WDR27: variants seen among roughly 807,000 people sequenced by gnomAD.
The protein encoded by WDR27 is WD repeat-containing protein 27.
WDR27 carries 100 observed loss-of-function variants against 114.4 expected under a neutral mutation model. The ratio of observed to expected loss-of-function variants is 0.87; its 90% CI spans 0.74 to 1.03. The LOEUF is 1.03. Among genes scored for constraint, WDR27 ranks in the 50% least tolerant of loss-of-function variants. The pLI, the probability that WDR27 is intolerant of heterozygous loss-of-function variation, is 0.00. For synonymous variants in WDR27, 449 were observed against 423.1 expected, an observed-to-expected ratio of 1.06 and a Z score of -0.75; for missense variants, 1,129 against 1,092.9, an observed-to-expected ratio of 1.03 and a Z score of -0.47.
rs1827138068 is a variant in WDR27, at chr6:169,664,219, T to C, written c.851A>G (p.Lys284Arg). 2 of 1,613,184 alleles carry C rather than the reference T, an allele frequency of 1.2e-6. No homozygotes were observed. Among genetic ancestry groups the C allele is most frequent in the Admixed American group, 1.7e-5 (1 of 59,954 alleles). ...RRVARVDLRK[K>R]TETFSTRRVK... ...CCTTCTTGTGGAGAAAGTCTCTGTC[T>C]TCTTCCTTAGGTCAACCCGTGCCAC... The change falls in exon 8 of 26, where the codon AAG becomes AGG. Residue 284 changes from lysine to arginine, a missense_variant. Transcript: ENST00000448612.
At chr6:169,580,390 G>A (rs1161412124) in intron 24 of WDR27, among the ~76,000 whole-genome samples, 1 of 152,172 alleles carries the variant, frequency 6.6e-6, no homozygotes, top group Non-Finnish European at 1.5e-5. Flanking sequence ...CTGTCTTACT[G>A]AGACTTGGCC....
At chr6:169,478,786 C>G (rs1787551832) in intron 25 of WDR27, among the ~76,000 whole-genome samples, 2 of 152,210 alleles carry the variant, frequency 1.3e-5, no homozygotes, top group Admixed American at 6.5e-5. Flanking sequence ...TGATTTTCGA[C>G]AAGGCTGACA....
downstream of WDR27, among the ~76,000 whole-genome samples, chr6:169,453,472 G>A (rs901627571): frequency 6.6e-6 from 1 of 152,112 alleles, no homozygotes; most frequent in East Asian, 1.9e-4. Context: ...CTCACATGCT[G>A]GGACACATTG....
chr6:169,490,565 T>TGG (rs2115432369), intron 25 of WDR27, among the ~76,000 whole-genome samples: 1 of 152,196 alleles, frequency 6.6e-6, no homozygotes, highest in East Asian at 1.9e-4. Flanking sequence ...CAGTTGCGGG[T>TGG]GGGGGCTAAA....
At chr6:169,525,868 A>C (rs772633393) in intron 25 of WDR27, among the ~76,000 whole-genome samples, 17 of 152,262 alleles carry the variant, frequency 1.1e-4, no homozygotes, top group Non-Finnish European at 2.2e-4. Context: ...TGGATAAAGA[A>C]AATGTGGTAT....
chr6:169,440,697 A>G, the WDR27 span, among the ~76,000 whole-genome samples: 5 of 152,252 alleles, frequency 3.3e-5, no homozygotes, highest in East Asian at 1.9e-4. Flanking sequence ...CCCGATATGA[A>G]TAACATAACA....
intron 25 of WDR27, among the ~76,000 whole-genome samples, chr6:169,542,295 C>T (rs1024957648): frequency 3.3e-5 from 5 of 151,992 alleles, no homozygotes; most frequent in Non-Finnish European, 7.4e-5. Flanking sequence ...AGTATCTTAG[C>T]CAGTTATTAA....
intron 2 of WDR27, among the ~76,000 whole-genome samples, chr6:169,681,229 C>T: frequency 6.6e-6 from 1 of 152,206 alleles, no homozygotes; most frequent in East Asian, 1.9e-4. Flanking sequence ...AATGCAGGAA[C>T]ATGGATCTCA....
At chr6:169,688,264 C>A (rs1783558003) in intron 2 of WDR27, among the ~76,000 whole-genome samples, 1 of 152,032 alleles carries the variant, frequency 6.6e-6, no homozygotes, top group Non-Finnish European at 1.5e-5. Flanking sequence ...AAGAAACCAG[C>A]ACAAAAAAGT....
the WDR27 span, among the ~76,000 whole-genome samples, chr6:169,442,939 C>A: frequency 1.9e-3 from 284 of 152,300 alleles, 2 homozygotes; most frequent in African/African-American, 6.6e-3. Flanking sequence ...AACCAAAAAA[C>A]TCTAATAACT....
In WDR27 at chr6:169,659,203, A is replaced by G. The variant is rs758098939; in HGVS notation, c.1202T>C (p.Leu401Pro). The part of the protein sequence containing the change: ...LRNRTADQKV[L>P]CLLASLFGGK... Reference sequence around the variant, plus strand: ...GCCAAAGAGGGAGGCCAGCAAGCACAGCACCTGCAGGGACGCGGTTTCAAC... The same window carrying G: ...GCCAAAGAGGGAGGCCAGCAAGCACGGCACCTGCAGGGACGCGGTTTCAAC... Residue 401 changes from leucine (L) to proline (P), a missense_variant, in exon 12 of 26, where the codon CTG becomes CCG. Leu to Pro is a moderately conservative substitution (Grantham distance 98). Transcript: ENST00000448612. This position sits in a 1 kb window ranked among gnomAD's most constrained non-coding sequence, Gnocchi z 4.3. 6.3e-7 allele frequency: 1 copy of G among 1,594,782 alleles called. No individual in the cohort carries two copies. The highest frequency in any genetic ancestry group is 1.1e-5 in the South Asian group (1 of 88,206).
chr6:169,562,031 T>C (rs755281044), intron 25 of WDR27, among the ~76,000 whole-genome samples: 45 of 152,076 alleles, frequency 3.0e-4, no homozygotes, highest in Non-Finnish European at 4.3e-4. Context: ...CCAAACCTAA[T>C]AAAGTAGCTT....
chr6:169,664,084 TGTGACCTAGGGCCCTTGACATGGCGCCTG>T, intron 8 of WDR27, 53 bp downstream of exon 8: 1 of 1,292,090 alleles, frequency 7.7e-7, no homozygotes, highest in Non-Finnish European at 1.1e-6. Context: ...CTCTCCCCTG[TGTGACCTAGGGCCCTTGACATGGCGCCTG>T]GTGAAAGATC....
intron 2 of WDR27, 83 bp downstream of exon 2, chr6:169,688,734 G>A (rs1783700015): frequency 2.0e-6 from 2 of 995,232 alleles, no homozygotes; most frequent in Non-Finnish European, 2.8e-6. Context: ...TCCACAGAGG[G>A]TAATGCTGTC....
chr6:169,586,882 G>A lies in WDR27; in HGVS notation c.2425-3948C>T, dbSNP rs75186630. 1.6e-4 allele frequency among the ~76,000 whole-genome samples: 12 copies of A among 73,158 alleles called. No homozygotes were observed. In the East Asian group the frequency reaches 1.7e-3, roughly 11 times the overall value. 48.0% of individuals were successfully genotyped at this position (73,158 alleles called of 152,430 possible). On this transcript the variant is annotated intron_variant, in intron 23 of 25. Transcript: ENST00000448612. ...AAAAAAAAAAAAAAAAAAGGCAGTCGCTTCCTGACTTCAGGGACAAAGTAT... is the reference window on the plus strand; with the variant it reads ...AAAAAAAAAAAAAAAAAAGGCAGTCACTTCCTGACTTCAGGGACAAAGTAT...
chr6:169,669,360 C>T (rs1032751766), intron 4 of WDR27, among the ~76,000 whole-genome samples: 1 of 152,188 alleles, frequency 6.6e-6, no homozygotes, highest in African/African-American at 2.4e-5. Flanking sequence ...GAGGATCTCA[C>T]GGGCTGCACA....
the WDR27 span, among the ~76,000 whole-genome samples, chr6:169,440,638 A>G: frequency 6.6e-6 from 1 of 152,288 alleles, no homozygotes; most frequent in African/African-American, 2.4e-5. Context: ...TCTATTTATT[A>G]TTGTAATAAT....
intron 22 of WDR27, among the ~76,000 whole-genome samples, chr6:169,603,523 G>A (rs1023502743): frequency 2.0e-5 from 3 of 152,190 alleles, no homozygotes; most frequent in African/African-American, 7.2e-5. Flanking sequence ...CTCTGCATAT[G>A]CAAAGGTCTT....
In WDR27 at chr6:169,636,369, A is replaced by G; in HGVS notation, c.2003+2T>C. 6.2e-7 allele frequency: 1 copy of G among 1,613,536 alleles called. No individual in the cohort carries two copies. Among genetic ancestry groups the G allele is most frequent in the Non-Finnish European group, 8.5e-7 (1 of 1,179,762 alleles). ...ATAATGCACAGGGCGGGGGGTGCCTACCTCTTAATCTCATCTTTGCAAGTG... is the reference window on the plus strand; with the variant it reads ...ATAATGCACAGGGCGGGGGGTGCCTGCCTCTTAATCTCATCTTTGCAAGTG... On this transcript the variant is annotated splice_donor_variant, in intron 19 of 25. Coordinates refer to ENST00000448612, the MANE Select transcript of WDR27 (RefSeq NM_182552.5). LOFTEE classifies it high-confidence loss of function.
Sources: allele counts gnomAD v4.1 joint callset (sites outside exome capture counted in the v4.1 genomes callset), GRCh38; gene constraint gnomAD v4.1.1; non-coding constraint Gnocchi (gnomAD v3.1); transcripts MANE v1.5; gene names NCBI Gene and HGNC (gene_info 2026-07-23, HGNC 2026-07-21).